Variants in GOSR2 observed in about 807,000 individuals in gnomAD.
GOSR2 encodes 27 kDa Golgi SNARE protein.
A neutral mutation model predicts 27.9 loss-of-function variants in GOSR2; 20 were observed. The ratio of observed to expected loss-of-function variants is 0.72; its 90% CI spans 0.50 to 1.04. The LOEUF is 1.04. GOSR2 is among the 50% of genes least tolerant of loss of function. The pLI is 0.00. For missense variants in GOSR2, 261 were observed against 270.5 expected (o/e 0.97, Z 0.25); for synonymous variants, 91 against 98.8 (o/e 0.92, Z 0.47).
rs2090949185 is a variant in GOSR2 at position 46,959,766 on chromosome 17, T to C, written c.584-6768T>C. On this transcript the variant is annotated intron_variant, in intron 6 of 6. Coordinates refer to the GOSR2 transcript ENST00000573224. ...ATCCCACTCTCCACTACAAAACTTT[T>C]CCCTTCCCTTTTGTCTCACTAACCA... Among the ~76,000 whole-genome samples the C allele has an allele frequency of 1.3e-5, 2 of 152,168 alleles. 1 individual carries two copies. The highest frequency in any genetic ancestry group is 4.1e-4 in the South Asian group (2 of 4,828).
Position 46,923,204 on chromosome 17 carries a change from G to A in GOSR2, c.12G>A (p.Leu4=). ...GCGGGGCCGGCGACATGGATCCCCT[G>A]TTCCAGCAAACGCACAAGTGAGGGC... MDP[L]FQQTHKQVHE... The change falls in exon 1 of 6, where the codon CTG becomes CTA. Residue 4 remains leucine (L), a synonymous_variant. Transcript: ENST00000640051. 11 of 1,549,644 alleles carry A rather than the reference G, an allele frequency of 7.1e-6. No homozygotes were observed. Among genetic ancestry groups the A allele is most frequent in the Non-Finnish European group, 8.7e-6 (10 of 1,145,234 alleles).
intron 6 of GOSR2, among the ~76,000 whole-genome samples, chr17:46,950,217 G>C (rs907191053): frequency 3.3e-5 from 5 of 152,174 alleles, no homozygotes; most frequent in African/African-American, 1.2e-4. Context: ...GTCACTTCTC[G>C]TTCCTATCCC....
chr17:46,928,131 T>C (rs2086771494), intron 1 of GOSR2, among the ~76,000 whole-genome samples: 1 of 152,108 alleles, frequency 6.6e-6, no homozygotes, highest in African/African-American at 2.4e-5. Flanking sequence ...AGCAACGGCC[T>C]GGTCTCGGAC....
chr17:46,939,014 G>C lies in GOSR2; in HGVS notation c.*254G>C. The C allele has an allele frequency of 7.5e-7, 1 of 1,326,174 alleles. No homozygotes were observed. 82.2% of individuals were successfully genotyped at this position (1,326,174 alleles called of 1,614,324 possible). On this transcript the variant is annotated 3_prime_UTR_variant, in exon 6 of 6. Transcript: ENST00000640051. The stretch of plus-strand genomic sequence containing the variant: ...TCCCGGGTCTGTCTCTCTCACTCTC[G>C]CTCTCACTGGGGGAGGGAAAGAATG...
rs747791818 is a variant in GOSR2, at chr17:46,923,234, C to T, written c.29+13C>T. On this transcript the variant is annotated intron_variant, in intron 1 of 5. Coordinates refer to ENST00000640051, the MANE Select transcript of GOSR2 (RefSeq NM_004287.5). ...AGCAAACGCACAAGTGAGGGCCGGT[C>T]GGGGAGCGGGCAGGGGCTAGACGAG... 3 of 1,550,696 alleles carry T rather than the reference C, an allele frequency of 1.9e-6. No individual in the cohort carries two copies. The highest frequency in any genetic ancestry group is 2.6e-6 in the Non-Finnish European group (3 of 1,146,418).
chr17:46,955,035 A>G (rs2090617826), intron 6 of GOSR2, among the ~76,000 whole-genome samples: 1 of 152,240 alleles, frequency 6.6e-6, no homozygotes, highest in Non-Finnish European at 1.5e-5. Flanking sequence ...TGCCCTGGCC[A>G]GAACTTCCAA....
Position 46,924,324 on chromosome 17 carries a change from G to A in GOSR2, c.29+1103G>A, listed in dbSNP as rs2086171840. ...CTGTTTTATGACGGAATAATATTCC[G>A]TTTTATGTGTCTACCACATTTTGTT... On this transcript the variant is annotated intron_variant, in intron 1 of 5. Coordinates refer to ENST00000640051, the MANE Select transcript of GOSR2 (RefSeq NM_004287.5). 3 of 153,010 alleles carry A rather than the reference G, an allele frequency of 2.0e-5. No homozygotes were observed. In the South Asian group the frequency reaches 6.2e-4, roughly 32 times the overall value. The allele number at this position is 153,010 out of a possible 1,614,324, so 9.5% of individuals were successfully genotyped here.
chr17:46,929,424 A>G, intron 1 of GOSR2, 96 bp from the exon 2 acceptor site: 2 of 759,210 alleles, frequency 2.6e-6, no homozygotes, highest in Non-Finnish European at 4.8e-6. Flanking sequence ...GTCGATTTAA[A>G]TCAGTTACAT....
chr17:46,960,779 T>C (rs1305956181), intron 6 of GOSR2, among the ~76,000 whole-genome samples: 1 of 152,216 alleles, frequency 6.6e-6, no homozygotes, highest in Admixed American at 6.5e-5. Flanking sequence ...GGTGATTCCA[T>C]TTATTTGAAA....
At position 46,941,018 on chromosome 17, in the gene GOSR2, G is replaced by A; in HGVS notation, c.*2258G>A. On this transcript the variant is annotated 3_prime_UTR_variant, in exon 6 of 6. Transcript: ENST00000640051. ...GGAGCACCCTCTAGTGGAGGCGGGGGTGAATTCTTAGGTCGAGCTGATGCA... is the reference window on the plus strand; with the variant it reads ...GGAGCACCCTCTAGTGGAGGCGGGGATGAATTCTTAGGTCGAGCTGATGCA... The A allele has an allele frequency of 2.7e-6, 3 of 1,110,666 alleles. No homozygotes were observed. Among genetic ancestry groups the A allele is most frequent in the Non-Finnish European group, 3.3e-6 (3 of 903,724 alleles). 68.8% of individuals were successfully genotyped at this position (1,110,666 alleles called of 1,614,324 possible). A position where few individuals can be genotyped will look rare whatever the true frequency, so the allele number is the denominator to read the frequency against.
chr17:46,974,530 C>A (rs1036965855), intron 6 of GOSR2, among the ~76,000 whole-genome samples: 2 of 152,054 alleles, frequency 1.3e-5, no homozygotes, highest in Non-Finnish European at 2.9e-5. Flanking sequence ...GTCAGGAGAT[C>A]GAGAGCATCC....
intron 6 of GOSR2, among the ~76,000 whole-genome samples, chr17:46,949,620 A>G (rs2090177416): frequency 6.6e-6 from 1 of 152,228 alleles, no homozygotes; most frequent in South Asian, 2.1e-4. Flanking sequence ...CTGGGAAGAC[A>G]TACATGAGCA....
downstream of GOSR2, among the ~76,000 whole-genome samples, chr17:46,970,182 C>T (rs2091376665): frequency 6.6e-6 from 1 of 152,200 alleles, no homozygotes; most frequent in Non-Finnish European, 1.5e-5. Context: ...CCTGCCTCAT[C>T]TCCCCCATCA....
chr17:46,955,328 TC>T (rs1226220437), intron 6 of GOSR2, among the ~76,000 whole-genome samples: 2 of 150,842 alleles, frequency 1.3e-5, no homozygotes, highest in Non-Finnish European at 2.9e-5. Flanking sequence ...TTATTGATTT[TC>T]GTATGTTGAA....
chr17:46,973,930 A>T (rs7215119), intron 6 of GOSR2, among the ~76,000 whole-genome samples: 110,703 of 152,026 alleles, frequency 0.73, 41,170 homozygotes, highest in Non-Finnish European at 0.8. Context: ...CCACCCCCAA[A>T]GCTCAAGGCT....
At position 46,938,695 on chromosome 17, in the gene GOSR2, T is replaced by A. The variant is rs1344877303; in HGVS notation, c.574T>A (p.Phe192Ile). 6.2e-7 allele frequency: 1 copy of A among 1,613,826 alleles called. No homozygotes were observed. Among genetic ancestry groups the A allele is most frequent in the Non-Finnish European group, 8.5e-7 (1 of 1,179,842 alleles). The change falls in exon 6 of 6, where the codon TTT becomes ATT. Residue 192 changes from phenylalanine (F) to isoleucine (I), a missense_variant. Transcript: ENST00000640051. ...IEKRAFQDKY[F>I]MIGGMLLTCV... ...GAAGCGGGCTTTCCAGGACAAGTAC[T>A]TTATGATAGGTGGGATGCTGCTGAC...
At chr17:46,934,408 G>C (rs1211513840) in intron 4 of GOSR2, among the ~76,000 whole-genome samples, 1 of 152,168 alleles carries the variant, frequency 6.6e-6, no homozygotes, top group Non-Finnish European at 1.5e-5. Context: ...TATGGTCCCA[G>C]CTACTCAGAA....
chr17:46,965,708 G>A (rs564945198), intron 6 of GOSR2, among the ~76,000 whole-genome samples: 1 of 152,020 alleles, frequency 6.6e-6, no homozygotes, highest in African/African-American at 2.4e-5. Flanking sequence ...CTGCAGCCTC[G>A]ACCTCCTGGG....
At chr17:46,942,755 C>G (rs974699358), downstream of GOSR2, among the ~76,000 whole-genome samples, 2 of 152,230 alleles carry the variant, frequency 1.3e-5, no homozygotes, top group Non-Finnish European at 2.9e-5. Flanking sequence ...AACACACTGC[C>G]TTAGGCCTGC....
Sources: gnomAD v4.1 joint callset for allele counts (sites outside exome capture counted in the v4.1 genomes callset) on GRCh38, gnomAD v4.1.1 for gene constraint, MANE v1.5 for transcripts, NCBI Gene and HGNC (gene_info 2026-07-23, HGNC 2026-07-21) for gene names.